Variants in ADAMTSL1 observed in about 807,000 individuals in gnomAD.
ADAMTSL1 encodes the protein ADAMTS-like protein 1.
ADAMTSL1 carries 126 observed loss-of-function variants against 201.8 expected under a neutral mutation model. The ratio of observed to expected loss-of-function variants is 0.62; its 90% CI spans 0.54 to 0.72. The LOEUF is 0.72. ADAMTSL1 is among the 30% of genes least tolerant of loss of function. The pLI is 0.00. For missense variants in ADAMTSL1, 2,679 were observed against 2,277.8 expected (o/e 1.18, Z -3.59); for synonymous variants, 1,121 against 903.4 (o/e 1.24, Z -4.32).
chr9:18,007,186 C>T (rs1819862910), intron 1 of ADAMTSL1, among the ~76,000 whole-genome samples: 1 of 152,014 alleles, frequency 6.6e-6, no homozygotes, highest in African/African-American at 2.4e-5. Context: ...TCAAACTCAT[C>T]ACAGAACTCC....
chr9:18,687,649 CT>C lies in ADAMTSL1; in HGVS notation c.1574+2851del, dbSNP rs141766802. Among the ~76,000 whole-genome samples the C allele has an allele frequency of 2.8e-3, 428 of 152,288 alleles. 11 individuals carry two copies. The East Asian group carries it at 0.068, about 24-fold the overall frequency. ...TACAGAAAAATCACCAGATGAATGTCTTCAGCTTATGAAGATAACCTTGTTC... is the reference window on the plus strand; with the variant it reads ...TACAGAAAAATCACCAGATGAATGTCTCAGCTTATGAAGATAACCTTGTTC... On this transcript the variant is annotated intron_variant, in intron 13 of 28. Coordinates refer to ENST00000380548, the MANE Select transcript of ADAMTSL1 (RefSeq NM_001040272.6).
chr9:18,175,905 G>T (rs146362203), intron 2 of ADAMTSL1, among the ~76,000 whole-genome samples: 1 of 149,916 alleles, frequency 6.7e-6, no homozygotes, highest in African/African-American at 2.5e-5. Context: ...CTTCAGAGAT[G>T]GAAGACCAAG....
At chr9:18,321,174 A>G (rs1163979028) in intron 2 of ADAMTSL1, among the ~76,000 whole-genome samples, 2 of 152,232 alleles carry the variant, frequency 1.3e-5, no homozygotes, top group African/African-American at 4.8e-5. Flanking sequence ...TATTAATGTC[A>G]TACAAGGTTC....
intron 2 of ADAMTSL1, among the ~76,000 whole-genome samples, chr9:18,393,654 C>A (rs1383749203): frequency 6.6e-6 from 1 of 152,188 alleles, no homozygotes; most frequent in Non-Finnish European, 1.5e-5. Flanking sequence ...GTGGCAAGGG[C>A]TAAGGCAATT....
intron 2 of ADAMTSL1, among the ~76,000 whole-genome samples, chr9:18,252,764 T>C (rs915816151): frequency 6.6e-6 from 1 of 152,152 alleles, no homozygotes; most frequent in Admixed American, 6.5e-5. Flanking sequence ...GTAAGAATGT[T>C]AGGAAATGAG....
At chr9:18,424,607 C>A (rs1472676785) in intron 2 of ADAMTSL1, among the ~76,000 whole-genome samples, 1 of 152,128 alleles carries the variant, frequency 6.6e-6, no homozygotes, top group Admixed American at 6.5e-5. Flanking sequence ...CAAACATATA[C>A]AAGGGGAAGA....
intron 1 of ADAMTSL1, among the ~76,000 whole-genome samples, chr9:18,126,681 C>T (rs10756936): frequency 1.5e-4 from 22 of 151,634 alleles, no homozygotes; most frequent in African/African-American, 4.4e-4. Flanking sequence ...AAGCAGTGGT[C>T]GTTTGGCACA....
intron 9 of ADAMTSL1, 137 bp downstream of exon 9, chr9:18,662,210 C>G (rs1011906000): frequency 2.5e-6 from 3 of 1,195,046 alleles, no homozygotes; most frequent in Non-Finnish European, 3.5e-6. Flanking sequence ...GTGTTCATTA[C>G]TAATCACGTG....
chr9:18,450,150 G>A (rs183348687), intron 2 of ADAMTSL1, among the ~76,000 whole-genome samples: 10 of 152,156 alleles, frequency 6.6e-5, no homozygotes, highest in African/African-American at 1.2e-4. Context: ...AATAGGTAAC[G>A]AAATTATGGA....
At chr9:18,849,353 T>G (rs1233149466) in intron 23 of ADAMTSL1, among the ~76,000 whole-genome samples, 1 of 152,202 alleles carries the variant, frequency 6.6e-6, no homozygotes, top group Admixed American at 6.5e-5. Context: ...TTGTACAGCC[T>G]GGATCGGGCA....
At chr9:18,305,532 C>T (rs912958224) in intron 2 of ADAMTSL1, among the ~76,000 whole-genome samples, 4 of 152,136 alleles carry the variant, frequency 2.6e-5, no homozygotes, top group African/African-American at 7.2e-5. Flanking sequence ...GAGGGGCATC[C>T]GCCATTACTG....
chr9:18,881,282 T>TTGACA (rs1173640206), intron 23 of ADAMTSL1, among the ~76,000 whole-genome samples: 2 of 152,248 alleles, frequency 1.3e-5, no homozygotes, highest in Non-Finnish European at 2.9e-5. Flanking sequence ...GTCTTGGCTT[T>TTGACA]TGACATACCT....
intron 2 of ADAMTSL1, among the ~76,000 whole-genome samples, chr9:18,376,213 T>C (rs1171529069): frequency 6.6e-6 from 1 of 152,234 alleles, no homozygotes; most frequent in Non-Finnish European, 1.5e-5. Flanking sequence ...AAGATATTTC[T>C]TGTAAGCCTT....
chr9:18,281,221 A>G (rs1253938586), intron 2 of ADAMTSL1, among the ~76,000 whole-genome samples: 2 of 152,252 alleles, frequency 1.3e-5, no homozygotes, highest in South Asian at 2.1e-4. Flanking sequence ...GCAAATTAAT[A>G]TAATAAACAA....
intron 15 of ADAMTSL1, among the ~76,000 whole-genome samples, chr9:18,729,141 T>G (rs2133470403): frequency 6.6e-6 from 1 of 152,312 alleles, no homozygotes; most frequent in South Asian, 2.1e-4. Flanking sequence ...GCATGTTGAC[T>G]TGGCCTAGCC....
chr9:18,769,580 C>T (rs1820567258), intron 16 of ADAMTSL1, among the ~76,000 whole-genome samples: 1 of 152,172 alleles, frequency 6.6e-6, no homozygotes, highest in African/African-American at 2.4e-5. Context: ...GTCAGGAAGC[C>T]AGGCTTCTAA....
rs1255714998 is a variant in ADAMTSL1 at position 18,657,613 on chromosome 9, T to C, written c.835-26T>C. ...AGAAAGCACCGCACTGTCACATTAC[T>C]TCTACTTTCCTGTTGACTCCTGCAG... On this transcript the variant is annotated intron_variant, in intron 7 of 28. Coordinates refer to ENST00000380548, the MANE Select transcript of ADAMTSL1 (RefSeq NM_001040272.6). The C allele has an allele frequency of 4.5e-6, 7 of 1,570,180 alleles. No individual in the cohort carries two copies. In the East Asian group the frequency reaches 1.6e-4, roughly 35 times the overall value.
intron 2 of ADAMTSL1, among the ~76,000 whole-genome samples, chr9:18,199,151 C>G (rs1308802916): frequency 1.3e-5 from 2 of 151,246 alleles, no homozygotes; most frequent in Non-Finnish European, 2.9e-5. Context: ...GAAGATATAC[C>G]TAATGCTAGA....
intron 2 of ADAMTSL1, among the ~76,000 whole-genome samples, chr9:18,368,477 T>C (rs1351219351): frequency 1.3e-5 from 2 of 152,258 alleles, no homozygotes; most frequent in Non-Finnish European, 2.9e-5. Context: ...TTCCTGCATA[T>C]TTTATTTAGA....
Sources: allele counts gnomAD v4.1 joint callset (sites outside exome capture counted in the v4.1 genomes callset), GRCh38; gene constraint gnomAD v4.1.1; transcripts MANE v1.5; gene names NCBI Gene and HGNC (gene_info 2026-07-23, HGNC 2026-07-21).